MYT1L: variants seen among roughly 807,000 people sequenced by gnomAD.
MYT1L encodes the protein myelin transcription factor 1 like.
In MYT1L, 12 loss-of-function variants were observed where a neutral mutation model predicts 126.7. The ratio of observed to expected loss-of-function variants is 0.09; its 90% CI spans 0.06 to 0.15. The LOEUF is 0.15. Among genes scored for constraint, MYT1L ranks in the 10% least tolerant of loss-of-function variants. MYT1L has a pLI of 1.00. For synonymous variants in MYT1L, 541 were observed against 604.2 expected, an observed-to-expected ratio of 0.90 and a Z score of 1.53; for missense variants, 979 against 1,585.2, an observed-to-expected ratio of 0.62 and a Z score of 6.49.
intron 21 of MYT1L, chr2:1,809,807 G>C (rs1036020408): frequency 2.6e-5 from 4 of 152,594 alleles, no homozygotes; most frequent in Admixed American, 2.0e-4. Context: ...TCAGCCACTG[G>C]TTTGTCGACG....
At chr2:1,931,808 T>G (rs2055035414) in intron 9 of MYT1L, among the ~76,000 whole-genome samples, 1 of 152,166 alleles carries the variant, frequency 6.6e-6, no homozygotes, top group Admixed American at 6.5e-5. Flanking sequence ...TGTCTTTTGC[T>G]TTCTGTCTCT....
At position 2,330,990 on chromosome 2, in the gene MYT1L, C is replaced by T. The variant is rs778048552; in HGVS notation, c.-544G>A. 2 of 152,120 alleles carry T rather than the reference C, an allele frequency of 1.3e-5. No individual in the cohort carries two copies. The highest frequency in any genetic ancestry group is 2.9e-5 in the Non-Finnish European group (2 of 68,040). 9.4% of individuals were successfully genotyped at this position (152,120 alleles called of 1,614,324 possible). On this transcript the variant is annotated 5_prime_UTR_variant, in exon 1 of 25. In the 5' UTR this introduces an upstream ATG that the reference lacks. Coordinates refer to ENST00000647738, the MANE Select transcript of MYT1L (RefSeq NM_001303052.2). Reference sequence around the variant, plus strand: ...ACCTCACAATGACCACAACCGCTCACAAGCGAAAGACAAGTTCAATTTTGG... The same window carrying T: ...ACCTCACAATGACCACAACCGCTCATAAGCGAAAGACAAGTTCAATTTTGG...
At chr2:1,940,129 C>G (rs1348992489) in intron 9 of MYT1L, among the ~76,000 whole-genome samples, 1 of 152,218 alleles carries the variant, frequency 6.6e-6, no homozygotes, top group African/African-American at 2.4e-5. Flanking sequence ...CGCTCTACTG[C>G]CAGGATGCTC....
intron 2 of MYT1L, among the ~76,000 whole-genome samples, chr2:2,215,343 G>A (rs1281501245): frequency 6.6e-6 from 1 of 152,046 alleles, no homozygotes; most frequent in African/African-American, 2.4e-5. Flanking sequence ...AACATAAAAA[G>A]ATGAAAAAAG....
chr2:2,245,078 A>G (rs1171631763), intron 2 of MYT1L, among the ~76,000 whole-genome samples: 1 of 152,230 alleles, frequency 6.6e-6, no homozygotes, highest in Admixed American at 6.5e-5. Context: ...GCATACTCGT[A>G]TTACAGTTTG....
intron 8 of MYT1L, among the ~76,000 whole-genome samples, chr2:1,952,716 CTCCT>C (rs1427622269): frequency 1.3e-4 from 3 of 23,210 alleles, no homozygotes; most frequent in African/African-American, 1.5e-4. Flanking sequence ...CTTCCCTTCC[CTCCT>C]TCCTTCCCTT....
intron 1 of MYT1L, among the ~76,000 whole-genome samples, chr2:2,322,437 C>A (rs780793595): frequency 6.6e-6 from 1 of 152,124 alleles, no homozygotes; most frequent in Non-Finnish European, 1.5e-5. Context: ...CCTTAGAAAT[C>A]ACCTTTTCAG....
At chr2:2,042,106 G>C (rs2067622898) in intron 4 of MYT1L, among the ~76,000 whole-genome samples, 1 of 152,236 alleles carries the variant, frequency 6.6e-6, no homozygotes, top group South Asian at 2.1e-4. Context: ...CCCTCTCGAG[G>C]GGCTGGGCAG....
chr2:1,915,118 G>A (rs944665311), intron 11 of MYT1L, among the ~76,000 whole-genome samples: 5 of 152,188 alleles, frequency 3.3e-5, no homozygotes, highest in African/African-American at 4.8e-5. Context: ...GGGCAATGGC[G>A]TGTCCTCAGT....
intron 19 of MYT1L, among the ~76,000 whole-genome samples, chr2:1,847,543 G>A (rs1244295815): frequency 6.6e-6 from 1 of 152,188 alleles, no homozygotes; most frequent in Non-Finnish European, 1.5e-5. Context: ...GAGACTACAG[G>A]TGAAGGAGAA....
rs185395094 is a variant in MYT1L, at chr2:1,996,414, C to T, written c.-1+777G>A. Among the ~76,000 whole-genome samples the T allele has an allele frequency of 8.0e-5, 12 of 150,510 alleles. No individual in the cohort carries two copies. In the East Asian group the frequency reaches 2.4e-3, roughly 30 times the overall value. ...CCGTCTTGCCTCAGTGTGGACTGCACAGAACCGAGTATAGATGGGCCGCCT... is the reference window on the plus strand; with the variant it reads ...CCGTCTTGCCTCAGTGTGGACTGCATAGAACCGAGTATAGATGGGCCGCCT... On this transcript the variant is annotated intron_variant, in intron 5 of 24. Transcript: ENST00000647738.
chr2:2,306,752 C>CTA (rs2095864551), intron 1 of MYT1L, among the ~76,000 whole-genome samples: 1 of 152,294 alleles, frequency 6.6e-6, no homozygotes, highest in Admixed American at 6.5e-5. Flanking sequence ...AGTCCTGACC[C>CTA]TATTCTCTCT....
chr2:2,172,809 G>A (rs2090251221), intron 3 of MYT1L, 63 bp downstream of exon 3: 4 of 152,314 alleles, frequency 2.6e-5, no homozygotes, highest in Admixed American at 6.5e-5. Flanking sequence ...GTGGCCAGAA[G>A]CCCCGTGCTG....
At chr2:2,219,467 A>G (rs1221408857) in intron 2 of MYT1L, among the ~76,000 whole-genome samples, 1 of 152,228 alleles carries the variant, frequency 6.6e-6, no homozygotes, top group Non-Finnish European at 1.5e-5. Context: ...GTGTACTAAC[A>G]TTCTTAAATA....
chr2:1,935,547 C>T (rs577578448), intron 9 of MYT1L, among the ~76,000 whole-genome samples: 2 of 152,352 alleles, frequency 1.3e-5, no homozygotes, highest in South Asian at 4.1e-4. Context: ...TGCTTCCCAT[C>T]TCTCAATCGT....
intron 2 of MYT1L, among the ~76,000 whole-genome samples, chr2:2,190,856 G>T (rs1317570473): frequency 6.6e-6 from 1 of 152,170 alleles, no homozygotes; most frequent in Non-Finnish European, 1.5e-5. Context: ...CACAATCTTG[G>T]CTCACCACAA....
intron 2 of MYT1L, among the ~76,000 whole-genome samples, chr2:2,229,444 C>CT (rs58286138): frequency 1.5e-4 from 22 of 148,944 alleles, no homozygotes; most frequent in East Asian, 3.9e-4. Context: ...TTCTTTCTTT[C>CT]TTTTTTTTTT....
chr2:1,849,796 G>A (rs577752299), intron 19 of MYT1L, among the ~76,000 whole-genome samples: 4 of 152,348 alleles, frequency 2.6e-5, no homozygotes, highest in Admixed American at 2.0e-4. Flanking sequence ...TCATAGACAC[G>A]TGCTGTTTAA....
chr2:1,991,171 T>G (rs73913036), intron 5 of MYT1L, among the ~76,000 whole-genome samples: 1 of 152,160 alleles, frequency 6.6e-6, no homozygotes, highest in Non-Finnish European at 1.5e-5. Context: ...GTAAGAAGTT[T>G]CCATTGAAAT....
Sources: gnomAD v4.1 joint callset for allele counts (sites outside exome capture counted in the v4.1 genomes callset) on GRCh38, gnomAD v4.1.1 for gene constraint, MANE v1.5 for transcripts, NCBI Gene and HGNC (gene_info 2026-07-23, HGNC 2026-07-21) for gene names.